The following TENM3 variants were observed in gnomAD, a reference collection of about 807,000 sequenced individuals.
TENM3 encodes teneurin-3.
In TENM3, 63 loss-of-function variants were observed where a neutral mutation model predicts 255.1. The ratio of observed to expected loss-of-function variants is 0.25; its 90% CI spans 0.20 to 0.30. The LOEUF is 0.30. TENM3 is among the 10% of genes least tolerant of loss of function. TENM3 has a pLI of 1.00. For synonymous variants in TENM3, 1,306 were observed against 1,322.3 expected, an observed-to-expected ratio of 0.99 and a Z score of 0.27; for missense variants, 2,929 against 3,461.1, an observed-to-expected ratio of 0.85 and a Z score of 3.86.
chr4:181,888,664 A>T, the TENM3 span, among the ~76,000 whole-genome samples: 1 of 145,384 alleles, frequency 6.9e-6, no homozygotes, highest in Non-Finnish European at 1.5e-5. Flanking sequence ...TCATATGATT[A>T]TGGAGGCTGA....
intron 5 of TENM3, among the ~76,000 whole-genome samples, chr4:182,644,953 G>T (rs1480931981): frequency 6.6e-6 from 1 of 151,696 alleles, no homozygotes; most frequent in Non-Finnish European, 1.5e-5. Flanking sequence ...CATTGACTTG[G>T]GTGATAGTAT....
the TENM3 span, among the ~76,000 whole-genome samples, chr4:181,713,548 G>A: frequency 6.6e-6 from 1 of 152,060 alleles, no homozygotes; most frequent in African/African-American, 2.4e-5. Flanking sequence ...GCCTCCATGT[G>A]CCTTGAATAT....
chr4:182,100,436 C>T, the TENM3 span, among the ~76,000 whole-genome samples: 106 of 41,696 alleles, frequency 2.5e-3, 2 homozygotes, highest in South Asian at 0.041. Context: ...ACTCCGTCTC[C>T]GTAAAAAAAA....
intron 3 of TENM3, among the ~76,000 whole-genome samples, chr4:182,474,438 G>A (rs1287838612): frequency 6.6e-6 from 1 of 152,076 alleles, no homozygotes; most frequent in Non-Finnish European, 1.5e-5. Context: ...TCCTCTTTTT[G>A]AGAAACTGTC....
chr4:182,392,838 A>G (rs567441287), intron 3 of TENM3, among the ~76,000 whole-genome samples: 1 of 152,290 alleles, frequency 6.6e-6, no homozygotes, highest in South Asian at 2.1e-4. Context: ...AACTAGGAGA[A>G]GCTGTCTGAG....
the TENM3 span, among the ~76,000 whole-genome samples, chr4:181,522,100 CAAAAAAAAAAAAAAAA>C: frequency 1.3e-4 from 7 of 54,726 alleles, no homozygotes; most frequent in African/African-American, 2.4e-4. Context: ...GACTCCGTCT[CAAAAAAAAAAAAAAAA>C]AAAAAAAAAA....
chr4:181,794,927 G>A, the TENM3 span, among the ~76,000 whole-genome samples: 286 of 152,192 alleles, frequency 1.9e-3, 1 homozygote, highest in African/African-American at 5.9e-3. Flanking sequence ...AATCCCAGCT[G>A]CATCAGTCCA....
the TENM3 span, among the ~76,000 whole-genome samples, chr4:181,566,835 A>G: frequency 1.3e-5 from 2 of 152,254 alleles, no homozygotes; most frequent in Non-Finnish European, 2.9e-5. Context: ...AAACTGTGGA[A>G]GAATTAGGCT....
intron 4 of TENM3, among the ~76,000 whole-genome samples, chr4:182,610,247 T>C (rs1233703216): frequency 1.3e-5 from 2 of 152,238 alleles, no homozygotes; most frequent in Non-Finnish European, 1.5e-5. Context: ...GAAGCCTGAA[T>C]GCATTCATTC....
the TENM3 span, among the ~76,000 whole-genome samples, chr4:182,110,157 A>G: frequency 6.6e-6 from 1 of 151,160 alleles, no homozygotes; most frequent in African/African-American, 2.4e-5. Flanking sequence ...TTCAGTGTCC[A>G]TGAATAAAAG....
chr4:182,293,634 C>A (rs1761266262), intron 1 of TENM3, among the ~76,000 whole-genome samples: 1 of 152,068 alleles, frequency 6.6e-6, no homozygotes, highest in South Asian at 2.1e-4. Flanking sequence ...ATTCTGGTAC[C>A]CTCTGACCCT....
At chr4:181,834,170 A>T in the TENM3 span, among the ~76,000 whole-genome samples, 1 of 151,616 alleles carries the variant, frequency 6.6e-6, no homozygotes, top group African/African-American at 2.4e-5. Context: ...GGCCCATAGC[A>T]TTTGTCCCTA....
the TENM3 span, among the ~76,000 whole-genome samples, chr4:181,848,814 A>T: frequency 1.3e-5 from 2 of 152,220 alleles, no homozygotes; most frequent in African/African-American, 4.8e-5. Context: ...CAGAATCGCC[A>T]AGGCTAATTT....
intron 3 of TENM3, among the ~76,000 whole-genome samples, chr4:182,526,275 C>T (rs980715406): frequency 2.0e-5 from 3 of 152,078 alleles, no homozygotes; most frequent in African/African-American, 7.2e-5. Context: ...CCACCGCGCC[C>T]AGCTACATTT....
chr4:182,595,961 T>A (rs1747177741), intron 3 of TENM3, among the ~76,000 whole-genome samples: 1 of 151,860 alleles, frequency 6.6e-6, no homozygotes, highest in Non-Finnish European at 1.5e-5. Context: ...ATTTTAAATA[T>A]CAGAACATTT....
the TENM3 span, among the ~76,000 whole-genome samples, chr4:181,454,527 CACTG>C: frequency 6.7e-6 from 1 of 149,400 alleles, no homozygotes; most frequent in Non-Finnish European, 1.5e-5. Context: ...ACTCACCACT[CACTG>C]ACACCCACAG....
At chr4:181,744,987 G>A in the TENM3 span, among the ~76,000 whole-genome samples, 953 of 152,250 alleles carry the variant, frequency 6.3e-3, 7 homozygotes, top group Middle Eastern at 0.01. Flanking sequence ...GATATTGGTC[G>A]AAAATAGGAA....
the TENM3 span, among the ~76,000 whole-genome samples, chr4:181,682,321 A>G: frequency 6.6e-6 from 1 of 152,244 alleles, no homozygotes; most frequent in African/African-American, 2.4e-5. Flanking sequence ...CAGTGACAGC[A>G]GGGTTTTTCC....
intron 24 of TENM3, among the ~76,000 whole-genome samples, chr4:182,781,646 T>C (rs1331919727): frequency 5.3e-5 from 8 of 150,790 alleles, no homozygotes; most frequent in Admixed American, 1.3e-4. Flanking sequence ...TTCCTCCTTG[T>C]ACCTCTGGTA....
Sources: gnomAD v4.1 joint callset for allele counts (sites outside exome capture counted in the v4.1 genomes callset) on GRCh38, gnomAD v4.1.1 for gene constraint, MANE v1.5 for transcripts, NCBI Gene and HGNC (gene_info 2026-07-23, HGNC 2026-07-21) for gene names.